The following TLL2 variants were observed in gnomAD, a reference collection of about 807,000 sequenced individuals.
The protein encoded by TLL2 is tolloid-like protein 2.
TLL2 carries 106 observed loss-of-function variants against 123.0 expected under a neutral mutation model. The observed-to-expected ratio is 0.86, with a 90% CI of 0.74 to 1.01. The LOEUF (loss-of-function observed/expected upper bound fraction) is 1.01, where lower values mean the gene tolerates loss of function less well. TLL2 is among the 50% of genes least tolerant of loss of function. The pLI is 0.00. For synonymous variants in TLL2, 494 were observed against 516.8 expected (o/e 0.96, Z 0.60); for missense variants, 1,332 against 1,336.7 (o/e 1.00, Z 0.06).
chr10:96,433,541 C>A (rs1216897485), intron 3 of TLL2, among the ~76,000 whole-genome samples: 1 of 152,082 alleles, frequency 6.6e-6, no homozygotes, highest in Non-Finnish European at 1.5e-5. Flanking sequence ...TCTGAGTCCA[C>A]GCGTTGGGCC....
chr10:96,494,936 GCC>G (rs1847455223), intron 1 of TLL2, among the ~76,000 whole-genome samples: 1 of 152,144 alleles, frequency 6.6e-6, no homozygotes, highest in Non-Finnish European at 1.5e-5. Flanking sequence ...TTCATGCCCT[GCC>G]CCACCCACTC....
intron 9 of TLL2, among the ~76,000 whole-genome samples, chr10:96,407,497 A>G (rs1056443208): frequency 1.3e-5 from 2 of 152,182 alleles, no homozygotes; most frequent in Non-Finnish European, 2.9e-5. Flanking sequence ...TGTGCTATTG[A>G]GGGGACTGTG....
chr10:96,459,661 T>C (rs1195777187), intron 2 of TLL2, among the ~76,000 whole-genome samples: 4 of 72,312 alleles, frequency 5.5e-5, no homozygotes, highest in Non-Finnish European at 1.0e-4. Flanking sequence ...CAGAGCAAGA[T>C]CCTGTTTCAA....
intron 5 of TLL2, among the ~76,000 whole-genome samples, chr10:96,424,886 T>G (rs1182205179): frequency 2.0e-5 from 3 of 152,084 alleles, no homozygotes; most frequent in Non-Finnish European, 4.4e-5. Flanking sequence ...TAAAATCTAC[T>G]CTTGTTTCCT....
chr10:96,388,034 A>T (rs1307166781), intron 13 of TLL2, among the ~76,000 whole-genome samples: 1 of 152,146 alleles, frequency 6.6e-6, no homozygotes, highest in Non-Finnish European at 1.5e-5. Context: ...TGAACCTAGG[A>T]AGAAGAAAGG....
intron 19 of TLL2, chr10:96,373,205 C>T (rs756325062): frequency 3.3e-5 from 7 of 215,226 alleles, no homozygotes; most frequent in Admixed American, 5.3e-5. Flanking sequence ...TGCAATGGCA[C>T]GATCTTGGCT....
chr10:96,445,542 C>A (rs541543271), intron 3 of TLL2, among the ~76,000 whole-genome samples: 1 of 152,204 alleles, frequency 6.6e-6, no homozygotes, highest in Non-Finnish European at 1.5e-5. Context: ...ACCTCCCCCA[C>A]AATCCCCACT....
intron 17 of TLL2, among the ~76,000 whole-genome samples, chr10:96,377,889 C>A (rs1473716546): frequency 6.6e-6 from 1 of 152,226 alleles, no homozygotes; most frequent in Non-Finnish European, 1.5e-5. Flanking sequence ...TTGGGGTCAA[C>A]CCACATGAAT....
At chr10:96,411,305 G>A (rs1164742614) in intron 8 of TLL2, among the ~76,000 whole-genome samples, 2 of 136,844 alleles carry the variant, frequency 1.5e-5, no homozygotes, top group Admixed American at 1.4e-4. Flanking sequence ...GTGGAAGTAG[G>A]TAAGACAAAA....
chr10:96,419,184 T>C (rs1290979015), intron 7 of TLL2, among the ~76,000 whole-genome samples: 1 of 152,154 alleles, frequency 6.6e-6, no homozygotes, highest in Non-Finnish European at 1.5e-5. Context: ...AGTTTCCTAA[T>C]CTGGAAGAGG....
intron 3 of TLL2, among the ~76,000 whole-genome samples, chr10:96,437,592 G>C (rs1416494844): frequency 2.0e-5 from 3 of 151,960 alleles, no homozygotes; most frequent in Non-Finnish European, 4.4e-5. Flanking sequence ...GCAACCACCA[G>C]TCTGTTTCCA....
At chr10:96,384,863 A>C in intron 15 of TLL2, 96 bp from the exon 16 acceptor site, 3 of 1,227,276 alleles carry the variant, frequency 2.4e-6, no homozygotes, top group Non-Finnish European at 3.3e-6. Flanking sequence ...GCCTCACCCT[A>C]CCGTGTGTGG....
chr10:96,432,708 A>G (rs1846757150), intron 4 of TLL2, 99 bp downstream of exon 4: 5 of 1,486,204 alleles, frequency 3.4e-6, no homozygotes, highest in Non-Finnish European at 1.8e-6. Context: ...GGTCCCTAAC[A>G]TCTGCTCCAT....
intron 20 of TLL2, among the ~76,000 whole-genome samples, chr10:96,369,620 G>A (rs1846059376): frequency 6.6e-6 from 1 of 151,926 alleles, no homozygotes; most frequent in South Asian, 2.1e-4. Flanking sequence ...AATTAGGTGG[G>A]TGTGGTGGCG....
intron 1 of TLL2, among the ~76,000 whole-genome samples, chr10:96,486,751 C>G (rs1485123156): frequency 6.6e-6 from 1 of 152,226 alleles, no homozygotes; most frequent in Non-Finnish European, 1.5e-5. Context: ...AGTCCAATGC[C>G]CCTGCACACC....
At chr10:96,482,406 C>T (rs1847320189) in intron 1 of TLL2, among the ~76,000 whole-genome samples, 1 of 152,154 alleles carries the variant, frequency 6.6e-6, no homozygotes, top group Admixed American at 6.5e-5. Flanking sequence ...TTCTAATAGC[C>T]CTAATCTTGA....
At chr10:96,383,612 C>T (rs10882785) in intron 16 of TLL2, among the ~76,000 whole-genome samples, 124,077 of 146,832 alleles carry the variant, frequency 0.85, 50,761 homozygotes, top group Non-Finnish European at 0.86. Context: ...TCTTTTTCTT[C>T]ATTTTTTATT....
At position 96,411,226 on chromosome 10, in the gene TLL2, C is replaced by T. The variant is rs540635840; in HGVS notation, c.1049-752G>A. Among the ~76,000 whole-genome samples, 24 of 124,992 alleles carry T rather than the reference C, an allele frequency of 1.9e-4. 1 individual carries two copies. The South Asian group carries it at 3.7e-3, about 19-fold the overall frequency. The allele number at this position is 124,992 out of a possible 152,430, so 82.0% of individuals were successfully genotyped here. ...AGATTGCACTACTGCACTCCAGTCT[C>T]CAGTCTGGGTGACAGAGTGAGACTC... On this transcript the variant is annotated intron_variant, in intron 8 of 20. Transcript: ENST00000357947.
At chr10:96,473,906 G>A (rs185204499) in intron 2 of TLL2, among the ~76,000 whole-genome samples, 24 of 152,238 alleles carry the variant, frequency 1.6e-4, no homozygotes, top group African/African-American at 4.1e-4. Context: ...GCTAACAGGA[G>A]AGGTGTCTAA....
Sources: gnomAD v4.1 joint callset for allele counts (sites outside exome capture counted in the v4.1 genomes callset) on GRCh38, gnomAD v4.1.1 for gene constraint, MANE v1.5 for transcripts, NCBI Gene and HGNC (gene_info 2026-07-23, HGNC 2026-07-21) for gene names.